DOCK1: variants seen among roughly 807,000 people sequenced by gnomAD.
DOCK1 encodes dedicator of cytokinesis protein 1.
DOCK1 carries 138 observed loss-of-function variants against 262.7 expected under a neutral mutation model. The ratio of observed to expected loss-of-function variants is 0.53; its 90% confidence interval spans 0.46 to 0.61. The LOEUF is 0.61. Among genes scored for constraint, DOCK1 ranks in the 20% least tolerant of loss-of-function variants. DOCK1 has a pLI of 0.00. For synonymous variants in DOCK1, 866 were observed against 867.4 expected (o/e 1.00, Z 0.03); for missense variants, 1,908 against 2,370.7 (o/e 0.80, Z 4.05).
At chr10:126,970,275 G>A (rs1190728899) in intron 1 of DOCK1, among the ~76,000 whole-genome samples, 1 of 152,118 alleles carries the variant, frequency 6.6e-6, no homozygotes, top group East Asian at 1.9e-4. Flanking sequence ...ACATATTTTT[G>A]TCTACTGTGA....
At chr10:126,925,197 C>G (rs1346971391) in intron 1 of DOCK1, among the ~76,000 whole-genome samples, 1 of 152,194 alleles carries the variant, frequency 6.6e-6, no homozygotes, top group African/African-American at 2.4e-5. Flanking sequence ...TACAGCCCAC[C>G]TTTCTGGGCA....
intron 31 of DOCK1, among the ~76,000 whole-genome samples, chr10:127,345,746 G>A (rs931079193): frequency 6.6e-6 from 1 of 152,206 alleles, no homozygotes; most frequent in Non-Finnish European, 1.5e-5. Context: ...CCAGCATCAA[G>A]AGACAGACTT....
chr10:127,009,579 C>G (rs148799247), intron 11 of DOCK1, among the ~76,000 whole-genome samples: 1 of 151,986 alleles, frequency 6.6e-6, no homozygotes, highest in Non-Finnish European at 1.5e-5. Flanking sequence ...TCCTCCTGGG[C>G]GTGGGGTTGG....
chr10:126,950,755 C>T (rs2036143994), intron 1 of DOCK1, among the ~76,000 whole-genome samples: 1 of 152,046 alleles, frequency 6.6e-6, no homozygotes, highest in Admixed American at 6.6e-5. Flanking sequence ...TTTGTTAGCC[C>T]CACTTCATAG....
intron 6 of DOCK1, 57 bp downstream of exon 6, chr10:126,990,660 T>C: frequency 6.4e-7 from 1 of 1,572,208 alleles, no homozygotes; most frequent in Non-Finnish European, 8.6e-7. Context: ...ATAACATCAC[T>C]ATAAGTCTTC....
At chr10:126,933,150 C>T (rs2034307207) in intron 1 of DOCK1, among the ~76,000 whole-genome samples, 1 of 151,994 alleles carries the variant, frequency 6.6e-6, no homozygotes, top group Non-Finnish European at 1.5e-5. Flanking sequence ...AGGACAGATT[C>T]TGTGGAGGTG....
intron 23 of DOCK1, among the ~76,000 whole-genome samples, chr10:127,105,917 T>C (rs1348001695): frequency 6.6e-6 from 1 of 152,054 alleles, no homozygotes; most frequent in Non-Finnish European, 1.5e-5. Context: ...AAGCCACCAA[T>C]GCCTGGCTAA....
At chr10:127,268,230 A>G (rs2060436364) in intron 29 of DOCK1, among the ~76,000 whole-genome samples, 1 of 152,166 alleles carries the variant, frequency 6.6e-6, no homozygotes, top group Non-Finnish European at 1.5e-5. Flanking sequence ...TTAGAAATAC[A>G]TAGAAATATG....
At chr10:127,335,551 ATT>A (rs879722741) in intron 29 of DOCK1, among the ~76,000 whole-genome samples, 2 of 133,114 alleles carry the variant, frequency 1.5e-5, no homozygotes, top group Non-Finnish European at 1.6e-5. Flanking sequence ...TAACTAATAG[ATT>A]TTTTTTTTTT....
intron 1 of DOCK1, among the ~76,000 whole-genome samples, chr10:126,923,189 C>T (rs1269647737): frequency 6.6e-6 from 1 of 152,182 alleles, no homozygotes; most frequent in Non-Finnish European, 1.5e-5. Context: ...CCACATTTGG[C>T]CCATAGGCTG....
intron 1 of DOCK1, among the ~76,000 whole-genome samples, chr10:126,948,987 C>T (rs1306290994): frequency 2.0e-5 from 3 of 152,248 alleles, no homozygotes; most frequent in South Asian, 2.1e-4. Context: ...GGGCCCACCC[C>T]CTGGACCCTG....
chr10:127,218,027 G>T (rs1589989387), intron 27 of DOCK1, among the ~76,000 whole-genome samples: 1 of 151,544 alleles, frequency 6.6e-6, no homozygotes, highest in Admixed American at 6.6e-5. Context: ...CTTTATTTCT[G>T]AGTTTTCCAT....
intron 35 of DOCK1, among the ~76,000 whole-genome samples, chr10:127,375,038 G>A (rs1391026774): frequency 6.6e-6 from 1 of 152,272 alleles, no homozygotes; most frequent in Non-Finnish European, 1.5e-5. Context: ...GACCTTGGCT[G>A]CTGCCATCTG....
chr10:126,920,226 A>G (rs560931168), intron 1 of DOCK1, among the ~76,000 whole-genome samples: 2 of 152,354 alleles, frequency 1.3e-5, no homozygotes, highest in East Asian at 1.9e-4. Context: ...TGTTATTTTA[A>G]TAAGTTCTAG....
chr10:126,944,629 T>G (rs2035258988), intron 1 of DOCK1, among the ~76,000 whole-genome samples: 1 of 151,474 alleles, frequency 6.6e-6, no homozygotes, highest in East Asian at 2.0e-4. Context: ...GAGGAGGAAG[T>G]GACTGGGAAG....
intron 1 of DOCK1, among the ~76,000 whole-genome samples, chr10:126,928,885 G>T (rs1395351990): frequency 6.6e-6 from 1 of 152,256 alleles, no homozygotes; most frequent in Admixed American, 6.5e-5. Flanking sequence ...CACTGTTGGC[G>T]TGAGCCAGGA....
At position 127,175,745 on chromosome 10, in the gene DOCK1, G is replaced by A. The variant is rs150978210; in HGVS notation, c.2847+47981G>A. 1.3e-3 allele frequency: 2,142 copies of A among 1,614,070 alleles called. 2 individuals carry two copies. The highest frequency in any genetic ancestry group is 1.6e-3 in the Non-Finnish European group (1,847 of 1,180,042). On this transcript the variant is annotated intron_variant, in intron 27 of 51. Coordinates refer to ENST00000623213, the MANE Select transcript of DOCK1 (RefSeq NM_001290223.2). The surrounding 1 kb of genome is among the most constrained non-coding windows in gnomAD (Gnocchi z 6.3). ...CGAGCAGCTGGTAATCGGGCTCTTC[G>A]GATGGAGGCCGAGTGGAGTTTTGGA...
intron 27 of DOCK1, chr10:127,138,110 T>C: frequency 8.8e-7 from 1 of 1,130,070 alleles, no homozygotes; most frequent in Non-Finnish European, 1.3e-6. Flanking sequence ...GCATGATCAG[T>C]GTGTGTTTGT....
At chr10:127,164,652 A>T (rs2133735655) in intron 27 of DOCK1, among the ~76,000 whole-genome samples, 1 of 152,388 alleles carries the variant, frequency 6.6e-6, no homozygotes, top group Non-Finnish European at 1.5e-5. Flanking sequence ...AAATACAGAG[A>T]TGAACACTAT....
Sources: gnomAD v4.1 joint callset for allele counts (sites outside exome capture counted in the v4.1 genomes callset) on GRCh38, gnomAD v4.1.1 for gene constraint, Gnocchi (gnomAD v3.1) non-coding constraint, MANE v1.5 for transcripts, NCBI Gene and HGNC (gene_info 2026-07-23, HGNC 2026-07-21) for gene names.